Variants in FBXO4 observed in about 807,000 individuals in gnomAD.
FBXO4 encodes the protein F-box only protein 4.
In FBXO4, 36 loss-of-function variants were observed where a neutral mutation model predicts 43.7. That is an observed-to-expected ratio of 0.82 (90% CI 0.63 to 1.09). The LOEUF (loss-of-function observed/expected upper bound fraction) is 1.09, where lower values mean the gene tolerates loss of function less well. FBXO4 is among the 50% of genes least tolerant of loss of function. The pLI is 0.00. For missense variants in FBXO4, 435 were observed against 474.1 expected, an observed-to-expected ratio of 0.92 and a Z score of 0.77; for synonymous variants, 180 against 165.6, an observed-to-expected ratio of 1.09 and a Z score of -0.67.
At chr5:41,961,735 A>G in the FBXO4 span, among the ~76,000 whole-genome samples, 1,918 of 152,256 alleles carry the variant, frequency 0.013, 25 homozygotes, top group Non-Finnish European at 0.02. Flanking sequence ...TGGGCAGGGC[A>G]CTTGTATGGT....
the FBXO4 span, among the ~76,000 whole-genome samples, chr5:41,963,290 G>A: frequency 1.3e-5 from 2 of 151,830 alleles, no homozygotes; most frequent in African/African-American, 4.8e-5. Context: ...ATATATTGGA[G>A]GTATTAATCT....
chr5:42,036,218 C>T, the FBXO4 span, among the ~76,000 whole-genome samples: 42 of 151,542 alleles, frequency 2.8e-4, 1 homozygote, highest in Non-Finnish European at 3.5e-4. Context: ...TAATCAAATT[C>T]TTCTCTTCAT....
chr5:42,015,376 A>G, the FBXO4 span, among the ~76,000 whole-genome samples: 1 of 152,312 alleles, frequency 6.6e-6, no homozygotes, highest in East Asian at 1.9e-4. Context: ...AAGTTAATTC[A>G]GGGAGGAGTT....
intron 2 of FBXO4, 50 bp from the exon 3 acceptor site, chr5:41,929,647 T>C: frequency 7.4e-7 from 1 of 1,349,150 alleles, no homozygotes; most frequent in South Asian, 1.4e-5. Context: ...TTTGAATGAA[T>C]AACTGGCTGT....
At chr5:42,014,870 A>G in the FBXO4 span, among the ~76,000 whole-genome samples, 1 of 152,134 alleles carries the variant, frequency 6.6e-6, no homozygotes, top group Non-Finnish European at 1.5e-5. Context: ...ATTTAATTAT[A>G]TTTGTTTTTA....
the FBXO4 span, among the ~76,000 whole-genome samples, chr5:42,003,884 C>A: frequency 6.6e-6 from 1 of 152,044 alleles, no homozygotes; most frequent in Non-Finnish European, 1.5e-5. Flanking sequence ...GGTATATACC[C>A]AAAGAATTAT....
chr5:41,983,054 T>C, the FBXO4 span, among the ~76,000 whole-genome samples: 1 of 152,216 alleles, frequency 6.6e-6, no homozygotes, highest in Non-Finnish European at 1.5e-5. Flanking sequence ...GAACTCATCC[T>C]TTTTTATGGC....
the FBXO4 span, among the ~76,000 whole-genome samples, chr5:41,949,742 A>T: frequency 6.6e-6 from 1 of 152,332 alleles, no homozygotes; most frequent in East Asian, 1.9e-4. Context: ...ATCAAAAAAG[A>T]GCTCACATAG....
chr5:41,945,018 T>C (rs1248716871), downstream of FBXO4, among the ~76,000 whole-genome samples: 2 of 152,242 alleles, frequency 1.3e-5, no homozygotes, highest in Non-Finnish European at 2.9e-5. Context: ...GTCAAGAGCC[T>C]TAGAGCTATT....
At chr5:41,956,173 A>G in the FBXO4 span, among the ~76,000 whole-genome samples, 1 of 152,240 alleles carries the variant, frequency 6.6e-6, no homozygotes, top group African/African-American at 2.4e-5. Flanking sequence ...AATACAGAAG[A>G]TATAATTATT....
chr5:42,035,565 C>T, the FBXO4 span, among the ~76,000 whole-genome samples: 13 of 152,092 alleles, frequency 8.5e-5, no homozygotes, highest in Non-Finnish European at 1.6e-4. Flanking sequence ...CATTGGATTA[C>T]TATCAATGTT....
At chr5:41,940,707 CCCTG>C (rs1163588214) in intron 6 of FBXO4, among the ~76,000 whole-genome samples, 2 of 152,078 alleles carry the variant, frequency 1.3e-5, no homozygotes, top group African/African-American at 2.4e-5. Context: ...TCCATCTCTT[CCCTG>C]GAGCTCCAAA....
At chr5:41,946,430 G>A (rs967065519), downstream of FBXO4, among the ~76,000 whole-genome samples, 1 of 152,178 alleles carries the variant, frequency 6.6e-6, no homozygotes, top group African/African-American at 2.4e-5. Context: ...AACTTTTTTA[G>A]CTGGTCGAAT....
the FBXO4 span, among the ~76,000 whole-genome samples, chr5:42,003,108 C>T: frequency 3.9e-5 from 6 of 152,208 alleles, no homozygotes; most frequent in Admixed American, 2.6e-4. Flanking sequence ...AACGATTTAA[C>T]GAGATAGATT....
chr5:42,008,221 G>A, the FBXO4 span, among the ~76,000 whole-genome samples: 9 of 152,214 alleles, frequency 5.9e-5, no homozygotes, highest in South Asian at 2.1e-4. Context: ...ATAGGTGAAG[G>A]GTGTTCCATT....
At chr5:41,958,765 T>C in the FBXO4 span, among the ~76,000 whole-genome samples, 1 of 152,222 alleles carries the variant, frequency 6.6e-6, no homozygotes, top group Non-Finnish European at 1.5e-5. Flanking sequence ...TTCCATTGTA[T>C]ATACACATAG....
chr5:41,974,513 A>T, the FBXO4 span, among the ~76,000 whole-genome samples: 1 of 151,976 alleles, frequency 6.6e-6, no homozygotes, highest in African/African-American at 2.4e-5. Flanking sequence ...AAGTTTACTA[A>T]TTCTTTTGCT....
At chr5:41,971,232 G>C in the FBXO4 span, among the ~76,000 whole-genome samples, 1 of 136,560 alleles carries the variant, frequency 7.3e-6, no homozygotes, top group African/African-American at 2.8e-5. Flanking sequence ...GTGTGTGTGT[G>C]TATGTGTGTG....
the FBXO4 span, among the ~76,000 whole-genome samples, chr5:41,989,987 T>G: frequency 1.3e-5 from 2 of 152,156 alleles, no homozygotes; most frequent in African/African-American, 4.8e-5. Context: ...AGGGACCTAG[T>G]GGGTTCTGAC....
Sources: gnomAD v4.1 joint callset for allele counts (sites outside exome capture counted in the v4.1 genomes callset) on GRCh38, gnomAD v4.1.1 for gene constraint, MANE v1.5 for transcripts, NCBI Gene and HGNC (gene_info 2026-07-23, HGNC 2026-07-21) for gene names.